Variants in ALK observed in about 807,000 individuals in gnomAD.
The protein encoded by ALK is ALK tyrosine kinase receptor.
A neutral mutation model predicts 163.1 loss-of-function variants in ALK; 74 were observed. The observed-to-expected ratio is 0.45, with a 90% CI of 0.38 to 0.55. The LOEUF is 0.55. ALK is among the 20% of genes least tolerant of loss of function. The pLI is 0.00. For synonymous variants in ALK, 960 were observed against 843.2 expected (o/e 1.14, Z -2.40); for missense variants, 2,063 against 2,105.3 (o/e 0.98, Z 0.39).
At chr2:29,597,830 A>T (rs924313850) in intron 3 of ALK, among the ~76,000 whole-genome samples, 3 of 152,198 alleles carry the variant, frequency 2.0e-5, no homozygotes, top group African/African-American at 4.8e-5. Context: ...ATAGCGGGGC[A>T]GGTGGAGGGA....
rs925966268 is a variant in ALK at position 29,239,578 on chromosome 2, G to A, written c.2355+102C>T. 25 of 1,406,616 alleles carry A rather than the reference G, an allele frequency of 1.8e-5. No individual in the cohort carries two copies. In the Middle Eastern group the frequency reaches 7.2e-4, roughly 40 times the overall value. 87.1% of individuals were successfully genotyped at this position (1,406,616 alleles called of 1,614,324 possible). A position where few individuals can be genotyped will look rare whatever the true frequency, so the allele number is the denominator to read the frequency against. On this transcript the variant is annotated intron_variant, in intron 13 of 28. Coordinates refer to ENST00000389048, the MANE Select transcript of ALK (RefSeq NM_004304.5). ...TACTCTTTGCTGTCTCATTCTCCTG[G>A]TATGAACTTCCAGGAGGAGGGTGTT... is the stretch of plus-strand genomic sequence containing the variant.
intron 1 of ALK, among the ~76,000 whole-genome samples, chr2:29,775,358 T>C (rs1681143145): frequency 6.6e-6 from 1 of 152,158 alleles, no homozygotes; most frequent in South Asian, 2.1e-4. Flanking sequence ...CACCTGACAG[T>C]CTTGTTATTT....
At chr2:29,543,093 A>C (rs974905279) in intron 3 of ALK, among the ~76,000 whole-genome samples, 5 of 152,090 alleles carry the variant, frequency 3.3e-5, no homozygotes, top group African/African-American at 1.2e-4. Flanking sequence ...GTGCAAATGC[A>C]TGGGAGCCAC....
In ALK at chr2:29,227,162, G is replaced by C. The variant is rs1664027531; in HGVS notation, c.2915-88C>G. The C allele has an allele frequency of 6.4e-7, 1 of 1,562,380 alleles. No individual in the cohort carries two copies. Among genetic ancestry groups the C allele is most frequent in the Non-Finnish European group, 8.8e-7 (1 of 1,135,748 alleles). On this transcript the variant is annotated intron_variant, in intron 17 of 28. Coordinates refer to ENST00000389048, the MANE Select transcript of ALK (RefSeq NM_004304.5). This position sits in a 1 kb window ranked among gnomAD's most constrained non-coding sequence, Gnocchi z 4.4. ...ACTATGTCTCCAGGTGGTCACTGTG[G>C]GTGCTCTGGTGGTCCCTGTTCCTAG...
At chr2:29,511,456 T>A (rs878963074) in intron 4 of ALK, among the ~76,000 whole-genome samples, 8 of 152,230 alleles carry the variant, frequency 5.3e-5, no homozygotes, top group Admixed American at 5.2e-4. Context: ...ATCCATGTTA[T>A]CATATATATC....
intron 2 of ALK, among the ~76,000 whole-genome samples, chr2:29,708,443 T>C (rs911308073): frequency 6.6e-6 from 1 of 152,278 alleles, no homozygotes; most frequent in African/African-American, 2.4e-5. Flanking sequence ...TCTAGTCCAG[T>C]GAATACCCTC....
intron 24 of ALK, among the ~76,000 whole-genome samples, chr2:29,212,318 T>C (rs923598262): frequency 1.3e-5 from 2 of 152,082 alleles, no homozygotes; most frequent in Non-Finnish European, 2.9e-5. Flanking sequence ...CTGAGATTTA[T>C]GGAAAGTTCT....
chr2:29,252,458 T>C lies in ALK; in HGVS notation c.2042-1191A>G, dbSNP rs111697042. Among the ~76,000 whole-genome samples, 21 of 152,328 alleles carry C rather than the reference T, an allele frequency of 1.4e-4. 1 individual carries two copies. Among genetic ancestry groups the C allele is most frequent in the African/African-American group, 5.1e-4 (21 of 41,582 alleles). On this transcript the variant is annotated intron_variant, in intron 11 of 28. Transcript: ENST00000389048. ...GCTAAGACATTAAAGTGAAAACATT[T>C]TGAAGACTGCACTAATTTAATTACG... is the stretch of plus-strand genomic sequence containing the variant.
chr2:29,193,709 C>T lies in ALK; in HGVS notation c.4378G>A (p.Glu1460Lys), dbSNP rs2148138533. The change falls in exon 29 of 29, where the codon GAG (glutamate) becomes AAG (lysine). Residue 1460 changes from glutamate (E) to lysine (K), a missense_variant. Physicochemically the swap from Glu to Lys is moderately conservative, Grantham distance 56 (BLOSUM62 1). Coordinates refer to ENST00000389048, the MANE Select transcript of ALK (RefSeq NM_004304.5). ...CCTCTAGGGACTCGAACAGAGATCT[C>T]TGCAGCTGTGGGTTTCTTTGCAGCC... The part of the protein sequence containing the change: ...GKAAKKPTAA[E>K]ISVRVPRGPA... 1 of 1,609,418 alleles carries T rather than the reference C, an allele frequency of 6.2e-7. No homozygotes were observed. The highest frequency in any genetic ancestry group is 8.5e-7 in the Non-Finnish European group (1 of 1,176,642).
intron 1 of ALK, among the ~76,000 whole-genome samples, chr2:29,832,971 T>C (rs1399386461): frequency 1.3e-5 from 2 of 151,766 alleles, no homozygotes; most frequent in South Asian, 2.1e-4. Flanking sequence ...CAAAGAGAAG[T>C]AGGGAGAGGG....
At chr2:29,898,534 C>T (rs959117449) in intron 1 of ALK, among the ~76,000 whole-genome samples, 1 of 152,168 alleles carries the variant, frequency 6.6e-6, no homozygotes, top group Non-Finnish European at 1.5e-5. Flanking sequence ...ACAATTTTGG[C>T]CTCAACTTAA....
At chr2:29,698,107 A>T (rs558243639) in intron 2 of ALK, among the ~76,000 whole-genome samples, 28 of 152,232 alleles carry the variant, frequency 1.8e-4, no homozygotes, top group African/African-American at 6.3e-4. Context: ...CACGATTCAG[A>T]CAACTTGCCT....
chr2:29,618,176 G>T (rs1481043882), intron 3 of ALK, among the ~76,000 whole-genome samples: 1 of 152,144 alleles, frequency 6.6e-6, no homozygotes, highest in Non-Finnish European at 1.5e-5. Context: ...TCAGGGAGAG[G>T]CCTCATCTTA....
At chr2:29,244,352 G>A (rs1296374583) in intron 12 of ALK, among the ~76,000 whole-genome samples, 2 of 152,242 alleles carry the variant, frequency 1.3e-5, no homozygotes, top group Admixed American at 1.3e-4. Flanking sequence ...CACATGACGC[G>A]TGTGAGTGTG....
intron 9 of ALK, among the ~76,000 whole-genome samples, chr2:29,291,485 A>G (rs2148227200): frequency 6.6e-6 from 1 of 152,318 alleles, no homozygotes; most frequent in South Asian, 2.1e-4. Flanking sequence ...ACCAGCCTAA[A>G]GTTTAAGGGA....
At chr2:29,783,772 TC>T (rs1663915021) in intron 1 of ALK, among the ~76,000 whole-genome samples, 1 of 152,094 alleles carries the variant, frequency 6.6e-6, no homozygotes, top group East Asian at 1.9e-4. Context: ...AACTGTAACA[TC>T]CCTGTCCTCA....
At position 29,227,766 on chromosome 2, in the gene ALK, A is replaced by G. The variant is rs1390384963; in HGVS notation, c.2816-94T>C. ...CAGTGGGGCATGCAGCTCTGGCCAA[A>G]GTTAGGGGGTCACTGGGGACCTCAG... On this transcript the variant is annotated intron_variant, in intron 16 of 28. Transcript: ENST00000389048. The surrounding 1 kb of genome is among the most constrained non-coding windows in gnomAD (Gnocchi z 4.4). 6.1e-6 allele frequency: 6 copies of G among 980,720 alleles called. No homozygotes were observed. The highest frequency in any genetic ancestry group is 9.8e-6 in the Non-Finnish European group (6 of 612,524). 60.8% of individuals were successfully genotyped at this position (980,720 alleles called of 1,614,324 possible).
chr2:29,759,991 G>A (rs1309323050), intron 1 of ALK, among the ~76,000 whole-genome samples: 1 of 152,176 alleles, frequency 6.6e-6, no homozygotes, highest in East Asian at 1.9e-4. Context: ...AGTATTACAG[G>A]ATTTTTTTTA....
At chr2:29,252,050 C>T (rs1290796776) in intron 11 of ALK, among the ~76,000 whole-genome samples, 3 of 152,202 alleles carry the variant, frequency 2.0e-5, no homozygotes, top group Non-Finnish European at 4.4e-5. Flanking sequence ...TCAACTTTGT[C>T]TTTGGTGCAT....
Sources: allele counts gnomAD v4.1 joint callset (sites outside exome capture counted in the v4.1 genomes callset), GRCh38; gene constraint gnomAD v4.1.1; non-coding constraint Gnocchi (gnomAD v3.1); transcripts MANE v1.5; gene names NCBI Gene and HGNC (gene_info 2026-07-23, HGNC 2026-07-21).